SLC39A11: variants seen among roughly 807,000 people sequenced by gnomAD.
SLC39A11 encodes the protein solute carrier family 39 member 11, also known as zinc transporter ZIP11.
In SLC39A11, 33 loss-of-function variants were observed where a neutral mutation model predicts 36.1. That is an observed-to-expected ratio of 0.91 (90% CI 0.69 to 1.22). The LOEUF (loss-of-function observed/expected upper bound fraction) is 1.22. Ranked by LOEUF, SLC39A11 falls within the 50% of genes most tolerant of loss-of-function variation. The probability of loss-of-function intolerance (pLI) is 0.00; values close to 1 mark genes in which losing one functional copy is unlikely to be tolerated. For missense variants in SLC39A11, 432 were observed against 430.3 expected, an observed-to-expected ratio of 1.00 and a Z score of -0.03; for synonymous variants, 166 against 170.3, an observed-to-expected ratio of 0.97 and a Z score of 0.20.
chr17:72,726,992 C>T (rs890682118), intron 7 of SLC39A11, among the ~76,000 whole-genome samples: 10 of 152,178 alleles, frequency 6.6e-5, no homozygotes, highest in African/African-American at 1.2e-4. Flanking sequence ...CACTAAAGTT[C>T]GCAGCCAGCC....
At chr17:72,805,124 T>C (rs1441327015) in intron 6 of SLC39A11, among the ~76,000 whole-genome samples, 1 of 152,178 alleles carries the variant, frequency 6.6e-6, no homozygotes, top group Non-Finnish European at 1.5e-5. Flanking sequence ...AGGTCTGTTC[T>C]TATACCGCCC....
intron 6 of SLC39A11, among the ~76,000 whole-genome samples, chr17:72,785,145 C>T (rs1412674417): frequency 1.3e-5 from 2 of 152,136 alleles, no homozygotes; most frequent in Admixed American, 6.5e-5. Flanking sequence ...GGATTACAGG[C>T]CTAAACCTCT....
chr17:72,678,660 G>T (rs529077512), intron 7 of SLC39A11, among the ~76,000 whole-genome samples: 1 of 152,082 alleles, frequency 6.6e-6, no homozygotes, highest in South Asian at 2.1e-4. Flanking sequence ...AGCCGAGATT[G>T]CGCCACTGCA....
chr17:72,736,751 T>A lies in SLC39A11; in HGVS notation c.602-32A>T, dbSNP rs183991420. On this transcript the variant is annotated intron_variant, in intron 6 of 9. Coordinates refer to ENST00000255559, the MANE Select transcript of SLC39A11 (RefSeq NM_139177.4). ...TAGATGTAAGAAAAGCAAGAGGGGT[T>A]AGGAATATTTCCCCATAAGGAACAT... The A allele has an allele frequency of 7.4e-5, 114 of 1,550,582 alleles. 1 individual carries two copies. The East Asian group carries it at 2.3e-3, about 32-fold the overall frequency.
chr17:72,894,756 A>G (rs959498502), intron 5 of SLC39A11, among the ~76,000 whole-genome samples: 2 of 152,044 alleles, frequency 1.3e-5, no homozygotes, highest in African/African-American at 4.8e-5. Flanking sequence ...AGAGAGGGGA[A>G]TAATTAATCT....
chr17:72,802,605 A>AT (rs1387751769), intron 6 of SLC39A11, among the ~76,000 whole-genome samples: 1 of 145,040 alleles, frequency 6.9e-6, no homozygotes, highest in Non-Finnish European at 1.5e-5. Context: ...AAAAAAAAAA[A>AT]GAAAAGAAAA....
chr17:72,814,401 C>A (rs2077521960), intron 6 of SLC39A11, among the ~76,000 whole-genome samples: 1 of 152,208 alleles, frequency 6.6e-6, no homozygotes, highest in South Asian at 2.1e-4. Flanking sequence ...GGAGAGTTGT[C>A]AGAGCTCACC....
rs1165334910 is a variant in SLC39A11, at chr17:73,047,966, C to CAAAAAAAAAA, written c.148-16262_148-16253dup. 1.5e-3 allele frequency among the ~76,000 whole-genome samples: 30 copies of CAAAAAAAAAA among 20,488 alleles called. 10 individuals are homozygous for CAAAAAAAAAA. The highest frequency in any genetic ancestry group is 2.1e-3 in the Non-Finnish European group (24 of 11,664). 13.4% of individuals were successfully genotyped at this position (20,488 alleles called of 152,430 possible). ...CTGGCGACAGAGCAAGACTCCATCT[C>CAAAAAAAAAA]AAAAAAAAAAAAAAAAAAAAAAAAA... On this transcript the variant is annotated intron_variant, in intron 3 of 9. Coordinates refer to ENST00000255559, the MANE Select transcript of SLC39A11 (RefSeq NM_139177.4).
intron 6 of SLC39A11, among the ~76,000 whole-genome samples, chr17:72,837,254 G>A (rs1322831272): frequency 6.7e-6 from 1 of 150,196 alleles, no homozygotes; most frequent in Non-Finnish European, 1.5e-5. Context: ...CTGCCACCTC[G>A]TTGGAAAGCA....
At chr17:73,020,100 C>A (rs1194385560) in intron 4 of SLC39A11, among the ~76,000 whole-genome samples, 2 of 152,212 alleles carry the variant, frequency 1.3e-5, no homozygotes, top group African/African-American at 4.8e-5. Context: ...GGAAAATTTT[C>A]ACCATATTCA....
intron 6 of SLC39A11, among the ~76,000 whole-genome samples, chr17:72,784,584 G>C (rs551046909): frequency 6.6e-6 from 1 of 152,236 alleles, no homozygotes; most frequent in South Asian, 2.1e-4. Flanking sequence ...GGTGGGGCCT[G>C]GCGGGAGGTG....
chr17:72,780,103 A>G (rs73352984), intron 6 of SLC39A11, among the ~76,000 whole-genome samples: 5,618 of 152,268 alleles, frequency 0.037, 322 homozygotes, highest in African/African-American at 0.12. Flanking sequence ...GCAAAGATGA[A>G]CTAAGCCCTT....
At chr17:72,961,612 A>G (rs374920196) in intron 4 of SLC39A11, among the ~76,000 whole-genome samples, 1 of 152,128 alleles carries the variant, frequency 6.6e-6, no homozygotes, top group East Asian at 1.9e-4. Flanking sequence ...GCTGGAAACC[A>G]TCACTCTCAG....
intron 3 of SLC39A11, among the ~76,000 whole-genome samples, chr17:73,062,747 G>T (rs560542303): frequency 1.3e-5 from 2 of 152,262 alleles, no homozygotes; most frequent in Admixed American, 6.5e-5. Flanking sequence ...ACGGATTGGG[G>T]GTGGGGGATG....
chr17:73,061,878 C>T (rs545302255), intron 3 of SLC39A11, among the ~76,000 whole-genome samples: 7 of 152,128 alleles, frequency 4.6e-5, no homozygotes, highest in Non-Finnish European at 1.0e-4. Context: ...AGCCTGTGGT[C>T]CCAGCTACTC....
intron 7 of SLC39A11, among the ~76,000 whole-genome samples, chr17:72,728,308 T>A (rs1459064328): frequency 1.3e-5 from 2 of 151,938 alleles, no homozygotes; most frequent in South Asian, 2.1e-4. Context: ...TGTGGTGGTA[T>A]GTGCCTGTAG....
intron 5 of SLC39A11, among the ~76,000 whole-genome samples, chr17:72,856,828 G>A: frequency 6.6e-6 from 1 of 152,056 alleles, no homozygotes; most frequent in Non-Finnish European, 1.5e-5. Flanking sequence ...CTACAGACAT[G>A]CACCACCCCA....
intron 5 of SLC39A11, among the ~76,000 whole-genome samples, chr17:72,915,597 T>C (rs900668977): frequency 2.6e-5 from 4 of 151,944 alleles, no homozygotes; most frequent in African/African-American, 9.7e-5. Context: ...CCACTCCCAA[T>C]CCCAACCGTG....
At chr17:72,684,899 GC>G (rs1194407873) in intron 7 of SLC39A11, among the ~76,000 whole-genome samples, 3 of 152,120 alleles carry the variant, frequency 2.0e-5, no homozygotes, top group Non-Finnish European at 4.4e-5. Context: ...TTTGTCTCAG[GC>G]CCCCCGGGGG....
Sources: gnomAD v4.1 joint callset for allele counts (sites outside exome capture counted in the v4.1 genomes callset) on GRCh38, gnomAD v4.1.1 for gene constraint, MANE v1.5 for transcripts, NCBI Gene and HGNC (gene_info 2026-07-23, HGNC 2026-07-21) for gene names.